The following IMMP2L variants were observed in gnomAD, a reference collection of about 807,000 sequenced individuals.
IMMP2L encodes mitochondrial inner membrane protease subunit 2.
IMMP2L carries 18 observed loss-of-function variants against 19.3 expected under a neutral mutation model. The observed-to-expected ratio is 0.93, with a 90% CI of 0.64 to 1.38. The LOEUF is 1.38. Among genes scored for constraint, IMMP2L ranks in the 40% most tolerant of loss-of-function variants. The pLI is 0.00. For synonymous variants in IMMP2L, 76 were observed against 73.0 expected (o/e 1.04, Z -0.21); for missense variants, 233 against 218.2 (o/e 1.07, Z -0.43).
At chr7:111,535,001 T>TA (rs1256726794) in intron 1 of IMMP2L, among the ~76,000 whole-genome samples, 2 of 152,166 alleles carry the variant, frequency 1.3e-5, no homozygotes, top group African/African-American at 4.8e-5. Context: ...GGTTTCAAGC[T>TA]AAGACTGATG....
intron 3 of IMMP2L, among the ~76,000 whole-genome samples, chr7:111,033,008 T>C (rs1406482916): frequency 6.6e-6 from 1 of 152,000 alleles, no homozygotes; most frequent in East Asian, 1.9e-4. Context: ...TAATCCCTGC[T>C]ACTCAGGAGG....
intron 3 of IMMP2L, among the ~76,000 whole-genome samples, chr7:111,093,630 T>C (rs1470141922): frequency 2.0e-5 from 3 of 152,202 alleles, no homozygotes; most frequent in African/African-American, 7.2e-5. Context: ...AAAGCTCACA[T>C]ACATATTTTG....
At chr7:110,850,910 C>G (rs1284377998) in intron 5 of IMMP2L, among the ~76,000 whole-genome samples, 1 of 150,874 alleles carries the variant, frequency 6.6e-6, no homozygotes, top group African/African-American at 2.4e-5. Context: ...AAATATGCCT[C>G]AATTAAAAAG....
At chr7:111,281,573 T>A (rs1026178797) in intron 3 of IMMP2L, among the ~76,000 whole-genome samples, 1 of 152,174 alleles carries the variant, frequency 6.6e-6, no homozygotes, top group Non-Finnish European at 1.5e-5. Flanking sequence ...TTGGGAGGCA[T>A]AGTAAACTTC....
rs56387151 is a variant in IMMP2L at position 110,775,249 on chromosome 7, C to CTGTGTGTGTGTGTGTGTGTGTGTG, written c.408+111320_408+111343dup. On this transcript the variant is annotated intron_variant, in intron 5 of 5. Transcript: ENST00000405709. ...TACGAGTGCATAATGCTTAAGTCAGCTGTGTGTGTGTGTGTGTGTGTGTGT... is the reference window on the plus strand; with the variant it reads ...TACGAGTGCATAATGCTTAAGTCAGCTGTGTGTGTGTGTGTGTGTGTGTGTGTGTGTGTGTGTGTGTGTGTGTGT... Among the ~76,000 whole-genome samples, 15 of 146,718 alleles carry CTGTGTGTGTGTGTGTGTGTGTGTG rather than the reference C, an allele frequency of 1.0e-4. No homozygotes were observed. The South Asian group carries it at 1.5e-3, about 15-fold the overall frequency.
intron 5 of IMMP2L, among the ~76,000 whole-genome samples, chr7:110,735,664 T>G (rs1796574266): frequency 7.9e-6 from 1 of 127,168 alleles, no homozygotes; most frequent in African/African-American, 2.9e-5. Flanking sequence ...TATATATATA[T>G]ATATATAGTA....
chr7:111,206,855 G>A (rs1423032744), intron 3 of IMMP2L, among the ~76,000 whole-genome samples: 4 of 151,900 alleles, frequency 2.6e-5, no homozygotes, highest in African/African-American at 9.7e-5. Flanking sequence ...CAAACAATAA[G>A]CCTCATCAGG....
intron 2 of IMMP2L, among the ~76,000 whole-genome samples, chr7:111,517,281 T>C (rs991317821): frequency 6.6e-6 from 1 of 152,082 alleles, no homozygotes; most frequent in African/African-American, 2.4e-5. Flanking sequence ...TAAACTGCAT[T>C]TTCCTTCATA....
At chr7:111,401,395 T>C (rs921572269) in intron 3 of IMMP2L, among the ~76,000 whole-genome samples, 1 of 152,072 alleles carries the variant, frequency 6.6e-6, no homozygotes, top group Admixed American at 6.5e-5. Flanking sequence ...TAACTAACAA[T>C]AACACAAGGC....
chr7:110,686,024 G>A (rs112463362), intron 5 of IMMP2L, among the ~76,000 whole-genome samples: 219 of 152,200 alleles, frequency 1.4e-3, no homozygotes, highest in Admixed American at 3.9e-3. Flanking sequence ...AAATAACACT[G>A]CATTATAAAT....
chr7:111,160,739 T>G (rs1805167009), intron 3 of IMMP2L, among the ~76,000 whole-genome samples: 1 of 149,162 alleles, frequency 6.7e-6, no homozygotes, highest in South Asian at 2.1e-4. Flanking sequence ...AAAAGTAAAA[T>G]TAAAAAATAT....
At chr7:111,026,943 TA>T (rs1826896348) in intron 3 of IMMP2L, among the ~76,000 whole-genome samples, 1 of 152,098 alleles carries the variant, frequency 6.6e-6, no homozygotes, top group Non-Finnish European at 1.5e-5. Context: ...ACAAAAGACG[TA>T]AATAAAACCA....
At chr7:111,240,896 G>C (rs1814939280) in intron 3 of IMMP2L, among the ~76,000 whole-genome samples, 1 of 151,824 alleles carries the variant, frequency 6.6e-6, no homozygotes. Flanking sequence ...ATCAGACCTA[G>C]TCAGGCCATG....
rs1011835506 is a variant in IMMP2L, at chr7:110,805,803, C to T, written c.408+80790G>A. ...TGTCTTATACATGGCTTTTACTTTG[C>T]ATAATTGTGTTTTAGAGATATTTTG... On this transcript the variant is annotated intron_variant, in intron 5 of 5. Transcript: ENST00000405709. 3.3e-5 allele frequency among the ~76,000 whole-genome samples: 5 copies of T among 152,092 alleles called. No homozygotes were observed. In the East Asian group the frequency reaches 7.8e-4, roughly 24 times the overall value.
chr7:111,507,970 C>A (rs575077424), intron 2 of IMMP2L, among the ~76,000 whole-genome samples: 1 of 152,148 alleles, frequency 6.6e-6, no homozygotes, highest in Non-Finnish European at 1.5e-5. Flanking sequence ...TCCTACTGAC[C>A]AAAACAAGTC....
At chr7:111,473,906 C>T (rs562853246) in intron 3 of IMMP2L, among the ~76,000 whole-genome samples, 23 of 152,218 alleles carry the variant, frequency 1.5e-4, no homozygotes, top group Non-Finnish European at 2.5e-4. Context: ...ATGGCTAAGA[C>T]ATGGAATCAA....
chr7:110,995,759 T>C (rs1291970543), intron 3 of IMMP2L, among the ~76,000 whole-genome samples: 1 of 152,044 alleles, frequency 6.6e-6, no homozygotes, highest in East Asian at 1.9e-4. Context: ...ATGCTACATC[T>C]CTCCCCCAGT....
intron 5 of IMMP2L, among the ~76,000 whole-genome samples, chr7:110,878,588 T>G (rs1248079725): frequency 6.6e-6 from 1 of 152,062 alleles, no homozygotes; most frequent in Non-Finnish European, 1.5e-5. Context: ...CTAAATACAG[T>G]TAAATATTAT....
intron 5 of IMMP2L, among the ~76,000 whole-genome samples, chr7:110,831,577 C>G (rs1432077994): frequency 1.3e-5 from 2 of 152,036 alleles, no homozygotes. Context: ...ACACAAGCAG[C>G]CAACTTGGTA....
Sources: allele counts gnomAD v4.1 joint callset (sites outside exome capture counted in the v4.1 genomes callset), GRCh38; gene constraint gnomAD v4.1.1; transcripts MANE v1.5; gene names NCBI Gene and HGNC (gene_info 2026-07-23, HGNC 2026-07-21).